RBFOX1: variants seen among roughly 807,000 people sequenced by gnomAD.
RBFOX1 encodes the protein RNA binding fox-1 homolog 1.
In RBFOX1, 8 loss-of-function variants were observed where a neutral mutation model predicts 57.7. That is an observed-to-expected ratio of 0.14 (90% CI 0.08 to 0.25). The LOEUF is 0.25. Ranked by LOEUF, RBFOX1 falls within the 10% of genes least tolerant of loss-of-function variation. RBFOX1 has a pLI of 1.00. For missense variants in RBFOX1, 611 were observed against 548.5 expected, an observed-to-expected ratio of 1.11 and a Z score of -1.14; for synonymous variants, 326 against 222.4, an observed-to-expected ratio of 1.47 and a Z score of -4.15.
intron 4 of RBFOX1, among the ~76,000 whole-genome samples, chr16:7,073,704 C>CA (rs959752852): frequency 2.6e-5 from 4 of 151,078 alleles, no homozygotes; most frequent in South Asian, 2.1e-4. Flanking sequence ...AAAATATATA[C>CA]AAAAAAAAAT....
chr16:6,077,320 T>TAA (rs3048139), intron 1 of RBFOX1, among the ~76,000 whole-genome samples: 101,362 of 151,598 alleles, frequency 0.67, 34,383 homozygotes, highest in Non-Finnish European at 0.74. Flanking sequence ...CTTTAGGTGT[T>TAA]AAAAAACAAG....
chr16:5,727,781 G>A (rs1216157150), intron 3 of RBFOX1, among the ~76,000 whole-genome samples: 1 of 152,120 alleles, frequency 6.6e-6, no homozygotes, highest in African/African-American at 2.4e-5. Flanking sequence ...TCAAACTTCT[G>A]GATTCACGTG....
Position 7,705,278 on chromosome 16 carries a change from A to T in RBFOX1, c.996-3778A>T, listed in dbSNP as rs559466376. On this transcript the variant is annotated intron_variant, in intron 14 of 15. Transcript: ENST00000550418. ...TCCCAGCACTTTGGGAGGCCGAGGC[A>T]GGAGGATCACGAGGTCAGGAGATCA... 1.2e-4 allele frequency among the ~76,000 whole-genome samples: 19 copies of T among 152,256 alleles called. 1 individual carries two copies. The South Asian group carries it at 3.9e-3, about 32-fold the overall frequency.
At chr16:6,551,248 A>G (rs144603205) in intron 2 of RBFOX1, among the ~76,000 whole-genome samples, 183 of 152,322 alleles carry the variant, frequency 1.2e-3, no homozygotes, top group African/African-American at 4.3e-3. Context: ...TGTTGGACAC[A>G]TGTAATGAGT....
chr16:6,716,701 A>G (rs766292873), intron 3 of RBFOX1, among the ~76,000 whole-genome samples: 4 of 151,966 alleles, frequency 2.6e-5, no homozygotes, highest in Non-Finnish European at 5.9e-5. Flanking sequence ...TCTGGCCTTG[A>G]TGTTTGGTTC....
At chr16:6,930,320 A>T (rs1189588676) in intron 3 of RBFOX1, among the ~76,000 whole-genome samples, 1 of 152,198 alleles carries the variant, frequency 6.6e-6, no homozygotes, top group African/African-American at 2.4e-5. Flanking sequence ...TATGCACATA[A>T]GAAGATACCT....
intron 4 of RBFOX1, among the ~76,000 whole-genome samples, chr16:5,882,676 C>A (rs746105203): frequency 6.6e-6 from 1 of 152,162 alleles, no homozygotes; most frequent in African/African-American, 2.4e-5. Flanking sequence ...TCCAGAGCTC[C>A]CCATGGTGCC....
chr16:5,307,050 C>T (rs1003554552), intron 1 of RBFOX1, among the ~76,000 whole-genome samples: 7 of 151,966 alleles, frequency 4.6e-5, no homozygotes, highest in African/African-American at 1.7e-4. Context: ...TCAACTTAAG[C>T]TTCTCCGTGG....
intron 4 of RBFOX1, among the ~76,000 whole-genome samples, chr16:7,189,554 A>ACACACAC (rs1567633599): frequency 0.01 from 1,419 of 135,840 alleles, 33 homozygotes; most frequent in African/African-American, 0.034. Flanking sequence ...TGTCCCCCAA[A>ACACACAC]ACACACACAC....
chr16:6,147,771 C>T (rs912152757), intron 1 of RBFOX1, among the ~76,000 whole-genome samples: 7 of 152,194 alleles, frequency 4.6e-5, no homozygotes, highest in African/African-American at 1.7e-4. Flanking sequence ...TTGGTGTCAC[C>T]ATCCACTCAG....
chr16:7,164,170 G>T (rs192808595), intron 4 of RBFOX1, among the ~76,000 whole-genome samples: 136 of 151,920 alleles, frequency 9.0e-4, no homozygotes, highest in African/African-American at 2.9e-3. Flanking sequence ...TTACGTCTTT[G>T]CGTCCTCATA....
At chr16:6,529,081 C>T (rs1333748808) in intron 2 of RBFOX1, among the ~76,000 whole-genome samples, 1 of 152,116 alleles carries the variant, frequency 6.6e-6, no homozygotes, top group Non-Finnish European at 1.5e-5. Flanking sequence ...TTGTAAACCG[C>T]CCCCAAATTC....
chr16:5,516,622 G>C (rs1412842122), intron 2 of RBFOX1, among the ~76,000 whole-genome samples: 1 of 152,112 alleles, frequency 6.6e-6, no homozygotes, highest in Admixed American at 6.6e-5. Flanking sequence ...ATTTGGTTTT[G>C]TGGTATTTCC....
At chr16:7,404,987 G>A (rs1383490170) in intron 4 of RBFOX1, among the ~76,000 whole-genome samples, 1 of 152,136 alleles carries the variant, frequency 6.6e-6, no homozygotes, top group Non-Finnish European at 1.5e-5. Flanking sequence ...TTACTCCACA[G>A]CAGGAAAGAT....
intron 1 of RBFOX1, among the ~76,000 whole-genome samples, chr16:6,028,563 A>T (rs1033736508): frequency 6.7e-6 from 1 of 150,160 alleles, no homozygotes; most frequent in African/African-American, 2.4e-5. Context: ...TCATGCCTGT[A>T]GTCCTAGCTA....
intron 11 of RBFOX1, among the ~76,000 whole-genome samples, chr16:7,647,104 G>C (rs953931072): frequency 4.6e-5 from 7 of 152,132 alleles, no homozygotes; most frequent in Non-Finnish European, 4.4e-5. Flanking sequence ...CATCCCTAAA[G>C]CTTCCATTTC....
intron 2 of RBFOX1, among the ~76,000 whole-genome samples, chr16:6,481,477 C>G (rs2095370325): frequency 1.3e-5 from 2 of 152,210 alleles, no homozygotes. Context: ...CATCGGCCAC[C>G]CGCACCATGC....
chr16:6,079,306 A>C (rs550983997), intron 1 of RBFOX1, among the ~76,000 whole-genome samples: 1 of 152,198 alleles, frequency 6.6e-6, no homozygotes, highest in South Asian at 2.1e-4. Flanking sequence ...ACTCTGTCTC[A>C]AAATAAAAAA....
At chr16:6,976,299 C>T (rs984536943) in intron 3 of RBFOX1, among the ~76,000 whole-genome samples, 1 of 152,130 alleles carries the variant, frequency 6.6e-6, no homozygotes, top group African/African-American at 2.4e-5. Flanking sequence ...TGAACACAGG[C>T]ATTCTGGCTT....
Sources: gnomAD v4.1 joint callset for allele counts (sites outside exome capture counted in the v4.1 genomes callset) on GRCh38, gnomAD v4.1.1 for gene constraint, MANE v1.5 for transcripts, NCBI Gene and HGNC (gene_info 2026-07-23, HGNC 2026-07-21) for gene names.